Variants in MYCBP2 observed in about 807,000 individuals in gnomAD.
The protein encoded by MYCBP2 is E3 ubiquitin-protein ligase MYCBP2.
A neutral mutation model predicts 525.3 loss-of-function variants in MYCBP2; 120 were observed. The ratio of observed to expected loss-of-function variants is 0.23; its 90% CI spans 0.20 to 0.27. MYCBP2 has a LOEUF of 0.27. Ranked by LOEUF, MYCBP2 falls within the 10% of genes least tolerant of loss-of-function variation. The pLI is 1.00. For missense variants in MYCBP2, 4,149 were observed against 5,657.1 expected, an observed-to-expected ratio of 0.73 and a Z score of 8.55; for synonymous variants, 1,894 against 1,955.8, an observed-to-expected ratio of 0.97 and a Z score of 0.83.
intron 1 of MYCBP2, among the ~76,000 whole-genome samples, chr13:77,310,080 C>A (rs942468285): frequency 1.3e-5 from 2 of 152,138 alleles, no homozygotes; most frequent in Non-Finnish European, 2.9e-5. Context: ...CCACTGCACT[C>A]CAGCCTGGCA....
chr13:77,218,356 A>G (rs969416381), intron 20 of MYCBP2, among the ~76,000 whole-genome samples: 2 of 152,182 alleles, frequency 1.3e-5, no homozygotes, highest in Non-Finnish European at 2.9e-5. Flanking sequence ...GAACTAGATG[A>G]AATAATTTTA....
At chr13:77,198,421 T>C (rs1040986203) in intron 26 of MYCBP2, among the ~76,000 whole-genome samples, 21 of 152,066 alleles carry the variant, frequency 1.4e-4, no homozygotes, top group Non-Finnish European at 8.8e-5. Flanking sequence ...TGAAGAAGAG[T>C]GTTAACATAT....
chr13:77,245,688 T>C (rs887523973), intron 15 of MYCBP2, among the ~76,000 whole-genome samples: 4 of 151,384 alleles, frequency 2.6e-5, no homozygotes, highest in East Asian at 3.9e-4. Context: ...CCATGGCATG[T>C]GTATACCTAT....
At chr13:77,266,796 G>A (rs911778185) in intron 8 of MYCBP2, among the ~76,000 whole-genome samples, 1 of 143,086 alleles carries the variant, frequency 7.0e-6, no homozygotes, top group Non-Finnish European at 1.5e-5. Flanking sequence ...AAAATAGATG[G>A]TTATTTTCAA....
At position 77,185,991 on chromosome 13, in the gene MYCBP2, T is replaced by G. The variant is rs754443134; in HGVS notation, c.4324A>C (p.Arg1442=). The change falls in exon 31 of 83, where the codon AGA becomes CGA. Residue 1442 remains arginine (R), a synonymous_variant. Transcript: ENST00000544440. Reference sequence around the variant, plus strand: ...GTGAACTGGAATCCTTTTAATCCTCTAAGTTCTTCAACTCCTAAGACTAAG... The same window carrying G: ...GTGAACTGGAATCCTTTTAATCCTCGAAGTTCTTCAACTCCTAAGACTAAG... The part of the protein sequence containing the change: ...TTLVLGVEEL[R]GLKGFQFTAT... 6.2e-7 allele frequency: 1 copy of G among 1,613,774 alleles called. No homozygotes were observed. The highest frequency in any genetic ancestry group is 8.5e-7 in the Non-Finnish European group (1 of 1,179,858).
intron 2 of MYCBP2, 132 bp from the exon 3 acceptor site, chr13:77,288,508 T>G (rs764913598): frequency 1.6e-5 from 13 of 794,048 alleles, no homozygotes; most frequent in Admixed American, 8.4e-5. Context: ...AGAGACAGTC[T>G]AAGTCTATGG....
chr13:77,054,055 TG>T (rs2037362907), intron 80 of MYCBP2, among the ~76,000 whole-genome samples: 1 of 151,888 alleles, frequency 6.6e-6, no homozygotes. Context: ...GGAAGTGAGA[TG>T]GGGGTATGTT....
chr13:77,050,703 C>G (rs1344116148), intron 82 of MYCBP2, among the ~76,000 whole-genome samples: 1 of 151,768 alleles, frequency 6.6e-6, no homozygotes, highest in Non-Finnish European at 1.5e-5. Context: ...TAATATTGAA[C>G]TTCATATGAC....
intron 44 of MYCBP2, among the ~76,000 whole-genome samples, chr13:77,158,904 A>G (rs2057540897): frequency 6.6e-6 from 1 of 152,218 alleles, no homozygotes; most frequent in Non-Finnish European, 1.5e-5. Context: ...AAGCCTTACT[A>G]AAGTTAAGAA....
At chr13:77,248,112 G>A (rs1386282392) in intron 15 of MYCBP2, among the ~76,000 whole-genome samples, 3 of 141,302 alleles carry the variant, frequency 2.1e-5, no homozygotes, top group Non-Finnish European at 4.5e-5. Flanking sequence ...TGCACGTTGC[G>A]CACATGTACC....
chr13:77,278,619 C>A (rs558019635), intron 4 of MYCBP2, 139 bp downstream of exon 4: 14 of 626,206 alleles, frequency 2.2e-5, no homozygotes, highest in Non-Finnish European at 3.3e-5. Context: ...GACTAATTAA[C>A]ATCTATCACC....
At chr13:77,073,945 C>T (rs948833777) in intron 68 of MYCBP2, among the ~76,000 whole-genome samples, 7 of 151,354 alleles carry the variant, frequency 4.6e-5, no homozygotes, top group African/African-American at 7.3e-5. Context: ...ATTGACATGG[C>T]GATTCTCCCT....
intron 2 of MYCBP2, among the ~76,000 whole-genome samples, chr13:77,289,353 A>C (rs1449959161): frequency 6.6e-6 from 1 of 152,150 alleles, no homozygotes; most frequent in African/African-American, 2.4e-5. Context: ...CCAACAATAT[A>C]TAAAAAAGTA....
At chr13:77,237,879 T>C (rs1594209572) in intron 17 of MYCBP2, among the ~76,000 whole-genome samples, 1 of 152,296 alleles carries the variant, frequency 6.6e-6, no homozygotes, top group East Asian at 1.9e-4. Context: ...TATGTGTCAC[T>C]GGAATATCAG....
chr13:77,216,944 A>G (rs993960387), intron 21 of MYCBP2, among the ~76,000 whole-genome samples: 3 of 152,278 alleles, frequency 2.0e-5, no homozygotes, highest in Non-Finnish European at 4.4e-5. Flanking sequence ...ATACATACGT[A>G]CACACACACA....
chr13:77,262,344 C>T (rs1354116495), intron 10 of MYCBP2, among the ~76,000 whole-genome samples: 2 of 151,932 alleles, frequency 1.3e-5, no homozygotes, highest in African/African-American at 2.4e-5. Flanking sequence ...TTGTTCCAAA[C>T]CAGTACCAAA....
chr13:77,312,485 G>A lies in MYCBP2; in HGVS notation c.302+13989C>T, dbSNP rs567487530. ...AATAAAAGGATCTGTAGGGTTGCAA[G>A]GTTTCTGTGTTTTAAGTGAATTAGT... is the stretch of plus-strand genomic sequence containing the variant. On this transcript the variant is annotated intron_variant, in intron 1 of 82. Coordinates refer to ENST00000544440, the MANE Select transcript of MYCBP2 (RefSeq NM_015057.5). Among the ~76,000 whole-genome samples, 4 of 152,098 alleles carry A rather than the reference G, an allele frequency of 2.6e-5. No homozygotes were observed. In the South Asian group the frequency reaches 6.2e-4, roughly 24 times the overall value.
chr13:77,073,729 T>TCTATATACAAAAGTCA (rs1344043232), intron 68 of MYCBP2, among the ~76,000 whole-genome samples: 7 of 152,074 alleles, frequency 4.6e-5, no homozygotes, highest in African/African-American at 1.7e-4. Context: ...ATTCTATTTT[T>TCTATATACAAAAGTCA]ATACACTAGA....
At chr13:77,067,516 C>A in intron 71 of MYCBP2, 65 bp downstream of exon 71, 1 of 1,507,982 alleles carries the variant, frequency 6.6e-7, no homozygotes, top group Non-Finnish European at 9.0e-7. Flanking sequence ...GAAATTATGT[C>A]TTAAATTTCT....
Sources: allele counts gnomAD v4.1 joint callset (sites outside exome capture counted in the v4.1 genomes callset), GRCh38; gene constraint gnomAD v4.1.1; transcripts MANE v1.5; gene names NCBI Gene and HGNC (gene_info 2026-07-23, HGNC 2026-07-21).